HSD17B12: variants seen among roughly 807,000 people sequenced by gnomAD.
HSD17B12 encodes hydroxysteroid 17-beta dehydrogenase 12, also known as very-long-chain 3-oxoacyl-CoA reductase.
A neutral mutation model predicts 39.3 loss-of-function variants in HSD17B12; 32 were observed. The observed-to-expected ratio is 0.81, with a 90% CI of 0.61 to 1.09. HSD17B12 has a LOEUF of 1.09. Ranked by LOEUF, HSD17B12 falls within the 50% of genes least tolerant of loss-of-function variation. The pLI is 0.00. For synonymous variants in HSD17B12, 150 were observed against 146.7 expected (o/e 1.02, Z -0.16); for missense variants, 342 against 382.9 (o/e 0.89, Z 0.89).
At chr11:43,662,503 C>G in the HSD17B12 span, among the ~76,000 whole-genome samples, 1 of 148,748 alleles carries the variant, frequency 6.7e-6, no homozygotes, top group Non-Finnish European at 1.5e-5. Context: ...CCTTAGCCCC[C>G]CAAAGTTGGC....
chr11:43,665,000 C>T, the HSD17B12 span, among the ~76,000 whole-genome samples: 3 of 152,104 alleles, frequency 2.0e-5, no homozygotes, highest in African/African-American at 7.2e-5. Context: ...CCTGCAAATC[C>T]AGATCAGAAA....
At position 43,709,931 on chromosome 11, in the gene HSD17B12, G is replaced by T. The variant is rs1950049608; in HGVS notation, c.160+28944G>T. Among the ~76,000 whole-genome samples, 3 of 152,166 alleles carry T rather than the reference G, an allele frequency of 2.0e-5. No homozygotes were observed. The South Asian group carries it at 6.2e-4, about 32-fold the overall frequency. ...ACAGAGGCACGTGTTCAGAACATGG[G>T]CTGGTATGTGTGCAACTCTGGGCTG... is the stretch of plus-strand genomic sequence containing the variant. On this transcript the variant is annotated intron_variant, in intron 1 of 10. Transcript: ENST00000278353.
chr11:43,639,681 A>G, the HSD17B12 span, among the ~76,000 whole-genome samples: 1 of 152,152 alleles, frequency 6.6e-6, no homozygotes, highest in Non-Finnish European at 1.5e-5. Flanking sequence ...AAAAAGAGAA[A>G]AAGAAAAAAA....
Position 43,856,364 on chromosome 11 carries a change from T to C in HSD17B12, c.*1116T>C, listed in dbSNP as rs1951583096. ...AAGATTGGTCTTTACCTAGGCTGTG[T>C]TTCCTAAGCTCTGAGTTTTCAGCAC... On this transcript the variant is annotated 3_prime_UTR_variant, in exon 11 of 11. Transcript: ENST00000278353. 1 of 152,184 alleles carries C rather than the reference T, an allele frequency of 6.6e-6. No individual in the cohort carries two copies. Among genetic ancestry groups the C allele is most frequent in the African/African-American group, 2.4e-5 (1 of 41,446 alleles). 9.4% of individuals were successfully genotyped at this position (152,184 alleles called of 1,614,324 possible). A position where few individuals can be genotyped will look rare whatever the true frequency, so the allele number is the denominator to read the frequency against.
chr11:43,722,712 G>C (rs1053154616), intron 1 of HSD17B12, among the ~76,000 whole-genome samples: 2 of 152,136 alleles, frequency 1.3e-5, no homozygotes, highest in Non-Finnish European at 2.9e-5. Context: ...AGCTGGGAAT[G>C]GTGTCAGGTG....
At chr11:43,795,109 A>G (rs547816803) in intron 3 of HSD17B12, among the ~76,000 whole-genome samples, 7 of 152,196 alleles carry the variant, frequency 4.6e-5, no homozygotes, top group African/African-American at 1.7e-4. Context: ...CCAGGTGCTT[A>G]ATTCACCCTC....
chr11:43,716,342 C>A (rs1406704031), intron 1 of HSD17B12, among the ~76,000 whole-genome samples: 1 of 152,096 alleles, frequency 6.6e-6, no homozygotes, highest in Non-Finnish European at 1.5e-5. Context: ...TTCTGAATGT[C>A]CTTAAGTATA....
the HSD17B12 span, among the ~76,000 whole-genome samples, chr11:43,604,552 AATG>A: frequency 1.3e-5 from 2 of 152,146 alleles, no homozygotes; most frequent in Admixed American, 1.3e-4. Context: ...TTAATAAAAT[AATG>A]ATGTCAAAAA....
At chr11:43,834,966 A>C (rs900720634) in intron 7 of HSD17B12, among the ~76,000 whole-genome samples, 1 of 152,208 alleles carries the variant, frequency 6.6e-6, no homozygotes, top group African/African-American at 2.4e-5. Context: ...TTAGCAAGTA[A>C]GCAGTATAAT....
intron 1 of HSD17B12, among the ~76,000 whole-genome samples, chr11:43,686,861 G>C (rs878963073): frequency 2.0e-5 from 3 of 152,150 alleles, no homozygotes; most frequent in Non-Finnish European, 4.4e-5. Flanking sequence ...CCAGGGTAGG[G>C]TTTAGAAGAA....
the HSD17B12 span, among the ~76,000 whole-genome samples, chr11:43,587,214 T>C: frequency 6.6e-6 from 1 of 152,326 alleles, no homozygotes; most frequent in South Asian, 2.1e-4. Flanking sequence ...ATTGAGTTTC[T>C]GCACTATGTA....
the HSD17B12 span, among the ~76,000 whole-genome samples, chr11:43,666,065 A>G: frequency 6.6e-6 from 1 of 152,026 alleles, no homozygotes; most frequent in Admixed American, 6.5e-5. Flanking sequence ...GCTTTCCATC[A>G]TTCCCATTCC....
Position 43,779,966 on chromosome 11 carries a change from GGTAATCCA to G in HSD17B12, c.284-18351_284-18344del, listed in dbSNP as rs144192002. Among the ~76,000 whole-genome samples the G allele has an allele frequency of 4.1e-3, 623 of 152,082 alleles. 5 individuals are homozygous for G. The East Asian group carries it at 0.044, about 11-fold the overall frequency. On this transcript the variant is annotated intron_variant, in intron 3 of 10. Coordinates refer to ENST00000278353, the MANE Select transcript of HSD17B12 (RefSeq NM_016142.3). The stretch of plus-strand genomic sequence containing the variant: ...TATCCTAATTGGCTGCAGAATTATT[GGTAATCCA>G]GTGACATTTGCAAAATAATTTTGCT...
chr11:43,766,530 C>T (rs558042520), intron 3 of HSD17B12, among the ~76,000 whole-genome samples: 1 of 152,280 alleles, frequency 6.6e-6, no homozygotes, highest in African/African-American at 2.4e-5. Context: ...AAGCAGAAGT[C>T]CCTCTCCCCT....
chr11:43,625,837 C>G, the HSD17B12 span, among the ~76,000 whole-genome samples: 2 of 151,290 alleles, frequency 1.3e-5, no homozygotes, highest in African/African-American at 4.8e-5. Flanking sequence ...CAACATGATT[C>G]TTTATTTTCT....
At chr11:43,708,383 TTAA>T (rs1950034454) in intron 1 of HSD17B12, among the ~76,000 whole-genome samples, 1 of 152,206 alleles carries the variant, frequency 6.6e-6, no homozygotes, top group Non-Finnish European at 1.5e-5. Flanking sequence ...TATCTCTTTA[TTAA>T]TCTTTCTCCT....
intron 3 of HSD17B12, among the ~76,000 whole-genome samples, chr11:43,797,370 G>A (rs1451839780): frequency 6.6e-6 from 1 of 152,180 alleles, no homozygotes. Flanking sequence ...AGTGGAGATG[G>A]TTGAGGAGAG....
At chr11:43,633,861 C>T in the HSD17B12 span, among the ~76,000 whole-genome samples, 104 of 151,722 alleles carry the variant, frequency 6.9e-4, no homozygotes, top group East Asian at 0.018. Flanking sequence ...TATCACCTGA[C>T]ATCAGGAGTT....
chr11:43,649,286 T>C, the HSD17B12 span, among the ~76,000 whole-genome samples: 2 of 152,054 alleles, frequency 1.3e-5, no homozygotes, highest in Non-Finnish European at 2.9e-5. Flanking sequence ...TGGAGTTAAT[T>C]TTAAAATATT....
Sources: allele counts gnomAD v4.1 joint callset (sites outside exome capture counted in the v4.1 genomes callset), GRCh38; gene constraint gnomAD v4.1.1; transcripts MANE v1.5; gene names NCBI Gene and HGNC (gene_info 2026-07-23, HGNC 2026-07-21).